Variants in PREX2 observed in about 807,000 individuals in gnomAD.
PREX2 encodes the protein phosphatidylinositol 3,4,5-trisphosphate-dependent Rac exchanger 2 protein.
In PREX2, 107 loss-of-function variants were observed where a neutral mutation model predicts 203.2. The ratio of observed to expected loss-of-function variants is 0.53; its 90% CI spans 0.45 to 0.62. PREX2 has a LOEUF of 0.62. Ranked by LOEUF, PREX2 falls within the 20% of genes least tolerant of loss-of-function variation. The pLI is 0.00. For synonymous variants in PREX2, 672 were observed against 663.6 expected (o/e 1.01, Z -0.19); for missense variants, 1,777 against 1,955.9 (o/e 0.91, Z 1.72).
intron 38 of PREX2, among the ~76,000 whole-genome samples, chr8:68,219,818 C>G (rs1278130561): frequency 1.3e-5 from 2 of 152,192 alleles, no homozygotes; most frequent in Non-Finnish European, 2.9e-5. Context: ...CCAACTCTTA[C>G]CTACCTATGA....
chr8:67,977,529 C>T (rs1185931463), intron 1 of PREX2, among the ~76,000 whole-genome samples: 1 of 152,108 alleles, frequency 6.6e-6, no homozygotes, highest in Non-Finnish European at 1.5e-5. Flanking sequence ...TCACATACAA[C>T]TCCTACAGTT....
At chr8:68,218,772 A>C (rs551743411) in intron 38 of PREX2, among the ~76,000 whole-genome samples, 1 of 152,314 alleles carries the variant, frequency 6.6e-6, no homozygotes, top group South Asian at 2.1e-4. Context: ...AGGCACAGAG[A>C]GAGCATATAC....
intron 25 of PREX2, chr8:68,111,025 C>G (rs1289452426): frequency 2.7e-6 from 1 of 369,878 alleles, no homozygotes; most frequent in South Asian, 2.1e-5. Flanking sequence ...ATCCTTGTGA[C>G]AGCAGTTTAT....
chr8:68,039,663 C>T (rs571552361), intron 7 of PREX2, among the ~76,000 whole-genome samples: 3 of 152,288 alleles, frequency 2.0e-5, no homozygotes, highest in South Asian at 2.1e-4. Flanking sequence ...TTCCTAAAGT[C>T]ACTCCTCTCC....
In PREX2 at chr8:68,108,284, G is replaced by A. The variant is rs781428016; in HGVS notation, c.2891G>A (p.Ser964Asn). Residue 964 changes from serine (S) to asparagine (N), a missense_variant, in exon 24 of 40, where the codon AGC (serine) becomes AAC (asparagine). By Grantham distance (46) the Ser-to-Asn change is conservative. Coordinates refer to ENST00000288368, the MANE Select transcript of PREX2 (RefSeq NM_024870.4). ...LGSAFGVQLD[S>N]RKHNSHDKEN... ...AGTGCATTTGGTGTTCAGTTGGATA[G>A]CAGGAAGCATAATTCTCATGATAAA... is the stretch of plus-strand genomic sequence containing the variant. 4.6e-5 allele frequency: 74 copies of A among 1,613,828 alleles called. No individual in the cohort carries two copies. Among genetic ancestry groups the A allele is most frequent in the Non-Finnish European group, 5.9e-5 (70 of 1,179,906 alleles).
chr8:67,987,619 T>C (rs575373130), intron 1 of PREX2, among the ~76,000 whole-genome samples: 2 of 152,164 alleles, frequency 1.3e-5, no homozygotes, highest in Non-Finnish European at 1.5e-5. Context: ...TGATCATCTG[T>C]CCTCACACAG....
At chr8:68,224,370 TA>T (rs1813015507) in intron 38 of PREX2, among the ~76,000 whole-genome samples, 188 bp from the exon 39 acceptor site, 1 of 152,168 alleles carries the variant, frequency 6.6e-6, no homozygotes, top group African/African-American at 2.4e-5. Context: ...CAAAGCAACA[TA>T]ACAGCACATT....
In PREX2 at chr8:68,231,313, C is replaced by G; in HGVS notation, c.4776-20C>G. On this transcript the variant is annotated intron_variant, in intron 39 of 39. Coordinates refer to ENST00000288368, the MANE Select transcript of PREX2 (RefSeq NM_024870.4). The stretch of plus-strand genomic sequence containing the variant: ...GGTAATACACTAAGTCACTGTCAAA[C>G]TTTACCATGCCTTTTCTAGGCTGTA... 1.9e-6 allele frequency: 3 copies of G among 1,565,756 alleles called. No homozygotes were observed. Among genetic ancestry groups the G allele is most frequent in the Non-Finnish European group, 2.6e-6 (3 of 1,159,900 alleles).
At chr8:68,051,424 G>A (rs899358637) in intron 8 of PREX2, among the ~76,000 whole-genome samples, 4 of 152,132 alleles carry the variant, frequency 2.6e-5, no homozygotes. Flanking sequence ...CTTGAACAGA[G>A]AGAAGACAGC....
chr8:68,201,743 T>C (rs573568686), intron 37 of PREX2, among the ~76,000 whole-genome samples: 84 of 152,054 alleles, frequency 5.5e-4, no homozygotes, highest in Non-Finnish European at 1.0e-3. Context: ...CCAATCAAGT[T>C]GACATTCAGT....
rs1563598300 is a variant in PREX2, at chr8:68,232,621, T to A, written c.*1243T>A. The A allele has an allele frequency of 6.6e-6, 1 of 151,438 alleles. No individual in the cohort carries two copies. Among genetic ancestry groups the A allele is most frequent in the South Asian group, 2.1e-4 (1 of 4,800 alleles). 9.4% of individuals were successfully genotyped at this position (151,438 alleles called of 1,614,324 possible). A position where few individuals can be genotyped will look rare whatever the true frequency, so the allele number is the denominator to read the frequency against. ...AAATTATGTGCAAACTATTATTAAT[T>A]TTTTTTTTATTTTTTGAAACTGAGT... is the stretch of plus-strand genomic sequence containing the variant. On this transcript the variant is annotated 3_prime_UTR_variant, in exon 40 of 40. Transcript: ENST00000288368.
intron 1 of PREX2, among the ~76,000 whole-genome samples, chr8:67,982,540 A>T (rs911968969): frequency 6.6e-6 from 1 of 152,200 alleles, no homozygotes; most frequent in African/African-American, 2.4e-5. Flanking sequence ...CTAATAAAAG[A>T]TACATTGACA....
At chr8:68,014,902 G>C (rs890898624) in intron 1 of PREX2, among the ~76,000 whole-genome samples, 1 of 152,130 alleles carries the variant, frequency 6.6e-6, no homozygotes, top group African/African-American at 2.4e-5. Context: ...TCTGGGGATA[G>C]GAATCTGCAT....
At chr8:68,078,372 A>C (rs1417012273) in intron 15 of PREX2, among the ~76,000 whole-genome samples, 1 of 152,146 alleles carries the variant, frequency 6.6e-6, no homozygotes, top group Non-Finnish European at 1.5e-5. Context: ...TCACCAAGCT[A>C]GGCTGATCTC....
At chr8:68,086,680 C>T (rs1361811593) in intron 18 of PREX2, among the ~76,000 whole-genome samples, 1 of 151,940 alleles carries the variant, frequency 6.6e-6, no homozygotes, top group African/African-American at 2.4e-5. Flanking sequence ...TTTATGAGTG[C>T]CAAATTGGAC....
At chr8:68,123,078 G>A (rs946970999) in intron 30 of PREX2, among the ~76,000 whole-genome samples, 1 of 152,188 alleles carries the variant, frequency 6.6e-6, no homozygotes, top group Admixed American at 6.6e-5. Flanking sequence ...CTGCCTTGAT[G>A]ATCTGTCTAA....
intron 10 of PREX2, among the ~76,000 whole-genome samples, chr8:68,057,333 C>T (rs537350053): frequency 3.9e-5 from 6 of 152,246 alleles, no homozygotes; most frequent in South Asian, 2.1e-4. Flanking sequence ...ATTACCCAGT[C>T]GTGGGTACTT....
chr8:68,147,846 G>C (rs554989124), intron 34 of PREX2, among the ~76,000 whole-genome samples: 3 of 151,982 alleles, frequency 2.0e-5, no homozygotes, highest in African/African-American at 7.3e-5. Context: ...TTTATAGACA[G>C]GGTCAGTGTA....
chr8:67,988,696 G>A (rs1339241407), intron 1 of PREX2, among the ~76,000 whole-genome samples: 2 of 152,210 alleles, frequency 1.3e-5, no homozygotes, highest in East Asian at 1.9e-4. Context: ...TTGGGCGTAA[G>A]TTAGGGGCCT....
Sources: allele counts gnomAD v4.1 joint callset (sites outside exome capture counted in the v4.1 genomes callset), GRCh38; gene constraint gnomAD v4.1.1; transcripts MANE v1.5; gene names NCBI Gene and HGNC (gene_info 2026-07-23, HGNC 2026-07-21).